N4BP2: variants seen among roughly 807,000 people sequenced by gnomAD.
N4BP2 encodes NEDD4-binding protein 2.
Under a neutral mutation model 152.8 loss-of-function variants are expected in N4BP2, and 91 were observed. The observed-to-expected ratio is 0.60, with a 90% CI of 0.50 to 0.71. N4BP2 has a LOEUF of 0.71. Among genes scored for constraint, N4BP2 ranks in the 30% least tolerant of loss-of-function variants. N4BP2 has a pLI of 0.00. For missense variants in N4BP2, 1,923 were observed against 2,059.1 expected (o/e 0.93, Z 1.28); for synonymous variants, 646 against 705.3 (o/e 0.92, Z 1.33).
chr4:40,141,158 A>G (rs1377811010), intron 14 of N4BP2, among the ~76,000 whole-genome samples: 1 of 147,412 alleles, frequency 6.8e-6, no homozygotes, highest in Admixed American at 6.7e-5. Flanking sequence ...ACCTCCCAGT[A>G]GGGGCAGCCG....
intron 2 of N4BP2, among the ~76,000 whole-genome samples, chr4:40,080,544 C>T (rs1241073223): frequency 6.6e-6 from 1 of 151,858 alleles, no homozygotes; most frequent in East Asian, 1.9e-4. Flanking sequence ...ACCATGTTGG[C>T]CAGGCTGGTC....
intron 7 of N4BP2, among the ~76,000 whole-genome samples, chr4:40,114,543 A>G (rs1426568574): frequency 6.6e-6 from 1 of 152,206 alleles, no homozygotes; most frequent in Non-Finnish European, 1.5e-5. Flanking sequence ...TCCATGTTGT[A>G]GCATGTGTCA....
In N4BP2 at chr4:40,059,304, G is replaced by A. The variant is rs182303454; in HGVS notation, c.-212+2274G>A. On this transcript the variant is annotated intron_variant, in intron 1 of 17. Transcript: ENST00000261435. ...TTTTATATGCAAAATCATATTGTAA[G>A]TCTTGGGAAGAATCAGTTGTCTATT... Among the ~76,000 whole-genome samples the A allele has an allele frequency of 4.1e-4, 62 of 151,332 alleles. 1 individual carries two copies. Among genetic ancestry groups the A allele is most frequent in the African/African-American group, 1.5e-3 (59 of 40,672 alleles).
rs1382485705 is a variant in N4BP2 at position 40,102,956 on chromosome 4, G to A, written c.1111G>A (p.Asp371Asn). 6 of 1,614,028 alleles carry A rather than the reference G, an allele frequency of 3.7e-6. No homozygotes were observed. Among genetic ancestry groups the A allele is most frequent in the Non-Finnish European group, 5.1e-6 (6 of 1,180,042 alleles). ...PMWNPMIPAFDLFQGNHGFVA... is the reference protein window; with the variant it reads ...PMWNPMIPAFNLFQGNHGFVA... ...GTGGAATCCAATGATTCCTGCTTTTGACCTCTTCCAAGGAAACCATGGCTT... is the reference window on the plus strand; with the variant it reads ...GTGGAATCCAATGATTCCTGCTTTTAACCTCTTCCAAGGAAACCATGGCTT... The change falls in exon 4 of 18, where the codon GAC (aspartate) becomes AAC (asparagine). Residue 371 changes from aspartate to asparagine, a missense_variant. Asp to Asn is a conservative substitution (Grantham distance 23). Transcript: ENST00000261435.
In N4BP2 at chr4:40,120,775, T is replaced by G. The variant is rs1717822409; in HGVS notation, c.2664T>G (p.Ser888=). The G allele has an allele frequency of 6.2e-7, 1 of 1,614,186 alleles. No individual in the cohort carries two copies. Among genetic ancestry groups the G allele is most frequent in the East Asian group, 2.2e-5 (1 of 44,890 alleles). Residue 888 remains serine, a synonymous_variant, in exon 9 of 18, where the codon TCT becomes TCG. Coordinates refer to ENST00000261435, the MANE Select transcript of N4BP2 (RefSeq NM_018177.6). ...ACATTATGGGTGACTGGCCTTCATCTGATTCTTTAGCTCAGAGGGAACACA... is the reference window on the plus strand; with the variant it reads ...ACATTATGGGTGACTGGCCTTCATCGGATTCTTTAGCTCAGAGGGAACACA... The part of the protein sequence containing the change: ...SFNIMGDWPS[S]DSLAQREHRS...
intron 1 of N4BP2, among the ~76,000 whole-genome samples, chr4:40,058,925 A>ATCC (rs1733433235): frequency 6.6e-6 from 1 of 152,112 alleles, no homozygotes; most frequent in Admixed American, 6.5e-5. Flanking sequence ...GGCTCAAGCC[A>ATCC]TCCTCCCACC....
intron 12 of N4BP2, among the ~76,000 whole-genome samples, chr4:40,131,269 T>C (rs1369636688): frequency 6.6e-6 from 1 of 152,222 alleles, no homozygotes; most frequent in East Asian, 1.9e-4. Flanking sequence ...ACTGAGAATC[T>C]TTGTTTTCCC....
the N4BP2 span, among the ~76,000 whole-genome samples, chr4:40,185,885 G>T: frequency 6.6e-6 from 1 of 152,142 alleles, no homozygotes; most frequent in Non-Finnish European, 1.5e-5. Context: ...ATCCTTGACT[G>T]CACTTGTCAC....
intron 13 of N4BP2, among the ~76,000 whole-genome samples, chr4:40,133,848 C>T (rs1719118472): frequency 6.6e-6 from 1 of 152,144 alleles, no homozygotes; most frequent in African/African-American, 2.4e-5. Flanking sequence ...TGCTGTTGCC[C>T]AGGCTGGAGT....
In N4BP2 at chr4:40,148,316, C is replaced by T. The variant is rs112936789; in HGVS notation, c.5143+3516C>T. On this transcript the variant is annotated intron_variant, in intron 16 of 17. Coordinates refer to ENST00000261435, the MANE Select transcript of N4BP2 (RefSeq NM_018177.6). Reference sequence around the variant, plus strand: ...AAATAAGAAAACCAGTCACGCATGGCGGCGCGCGCCTGCAATCGCAGGCAC... The same window carrying T: ...AAATAAGAAAACCAGTCACGCATGGTGGCGCGCGCCTGCAATCGCAGGCAC... 4.5e-4 allele frequency among the ~76,000 whole-genome samples: 68 copies of T among 152,324 alleles called. 1 individual carries two copies. The highest frequency in any genetic ancestry group is 1.6e-3 in the African/African-American group (66 of 41,584).
At chr4:40,099,998 C>A (rs1715483918) in intron 3 of N4BP2, 1 of 450,228 alleles carries the variant, frequency 2.2e-6, no homozygotes, top group Non-Finnish European at 4.4e-6. Flanking sequence ...CTCTGCCAGG[C>A]TTGCCCCCTC....
intron 3 of N4BP2, among the ~76,000 whole-genome samples, chr4:40,101,650 G>C (rs147924721): frequency 6.6e-6 from 1 of 152,076 alleles, no homozygotes; most frequent in Non-Finnish European, 1.5e-5. Context: ...ATGTAAATAA[G>C]TTAGATTTAC....
rs754818550 is a variant in N4BP2 at position 40,120,655 on chromosome 4, A to C, written c.2544A>C (p.Val848=). 23 of 1,614,080 alleles carry C rather than the reference A, an allele frequency of 1.4e-5. 1 individual carries two copies. The South Asian group carries it at 2.3e-4, about 16-fold the overall frequency. Residue 848 remains valine (V), a synonymous_variant, in exon 9 of 18, where the codon GTA becomes GTC. Transcript: ENST00000261435. The stretch of plus-strand genomic sequence containing the variant: ...AACGAGGATCTCCACATGAAAGTGT[A>C]GAGGATGGCAGAAAGTCACAGTGTG... ...VQQRGSPHES[V]EDGRKSQCDD...
Position 40,121,327 on chromosome 4 carries a change from T to G in N4BP2, c.3216T>G (p.Tyr1072Ter), listed in dbSNP as rs1410171178. The G allele has an allele frequency of 2.5e-6, 4 of 1,613,860 alleles. No homozygotes were observed. The highest frequency in any genetic ancestry group is 2.5e-6 in the Non-Finnish European group (3 of 1,179,974). Residue 1072 changes from tyrosine (Y) to a stop codon, truncating the protein, a stop_gained, in exon 9 of 18, where the codon TAT becomes TAG. Transcript: ENST00000261435. LOFTEE classifies it high-confidence loss of function. Reference protein sequence around the residue: ...VQEAIPYRVMYDKSTFVEESE... With the variant: ...VQEAIPYRVM ...AAGCAATTCCATATAGAGTAATGTATGATAAAAGCACGTTTGTTGAAGAAA... is the reference window on the plus strand; with the variant it reads ...AAGCAATTCCATATAGAGTAATGTAGGATAAAAGCACGTTTGTTGAAGAAA...
intron 1 of N4BP2, among the ~76,000 whole-genome samples, chr4:40,068,495 A>G (rs935468764): frequency 4.6e-5 from 7 of 152,188 alleles, no homozygotes; most frequent in Admixed American, 1.3e-4. Flanking sequence ...TTTGTATTCA[A>G]TGTAACATAA....
intron 1 of N4BP2, among the ~76,000 whole-genome samples, chr4:40,059,700 T>C (rs1264715113): frequency 6.6e-6 from 1 of 151,106 alleles, no homozygotes; most frequent in African/African-American, 2.5e-5. Context: ...TGAGTAAGCA[T>C]ACATCAAGCC....
At chr4:40,101,960 T>C in intron 3 of N4BP2, 115 bp from the exon 4 acceptor site, 1 of 622,210 alleles carries the variant, frequency 1.6e-6, no homozygotes, top group South Asian at 3.3e-5. Context: ...ATTGTACATT[T>C]ATATTCTGTT....
chr4:40,171,904 A>T, the N4BP2 span, among the ~76,000 whole-genome samples: 2 of 152,114 alleles, frequency 1.3e-5, no homozygotes, highest in African/African-American at 2.4e-5. Flanking sequence ...CGGGAGACTA[A>T]GCCAGTCTAG....
At chr4:40,089,228 A>G (rs1186970803) in intron 2 of N4BP2, among the ~76,000 whole-genome samples, 1 of 151,274 alleles carries the variant, frequency 6.6e-6, no homozygotes, top group Non-Finnish European at 1.5e-5. Flanking sequence ...GGGCTCCCAA[A>G]GTGCTAGGTT....
Sources: gnomAD v4.1 joint callset for allele counts (sites outside exome capture counted in the v4.1 genomes callset) on GRCh38, gnomAD v4.1.1 for gene constraint, MANE v1.5 for transcripts, NCBI Gene and HGNC (gene_info 2026-07-23, HGNC 2026-07-21) for gene names.